ADCY2: variants seen among roughly 807,000 people sequenced by gnomAD.
ADCY2 encodes the protein adenylate cyclase type 2.
ADCY2 carries 31 observed loss-of-function variants against 125.2 expected under a neutral mutation model. The ratio of observed to expected loss-of-function variants is 0.25; its 90% CI spans 0.19 to 0.33. The LOEUF is 0.33. ADCY2 is among the 10% of genes least tolerant of loss of function. The pLI is 1.00. For missense variants in ADCY2, 904 were observed against 1,418.2 expected, an observed-to-expected ratio of 0.64 and a Z score of 5.82; for synonymous variants, 512 against 548.4, an observed-to-expected ratio of 0.93 and a Z score of 0.93.
chr5:7,414,505 A>G, intron 1 of ADCY2, 68 bp from the exon 2 acceptor site: 1 of 1,342,278 alleles, frequency 7.5e-7, no homozygotes, highest in Non-Finnish European at 1.0e-6. Context: ...ACATTTTAAC[A>G]ACATAAATCA....
Position 7,750,897 on chromosome 5 carries a change from C to T in ADCY2, c.1957-6552C>T, listed in dbSNP as rs78534607. ...CTCATAATCCGCTCTAGGTCTGCAA[C>T]GTCATTGTCCAATATCTCCTTGTGT... On this transcript the variant is annotated intron_variant, in intron 15 of 24. Transcript: ENST00000338316. Among the ~76,000 whole-genome samples, 274 of 152,046 alleles carry T rather than the reference C, an allele frequency of 1.8e-3. 4 individuals are homozygous for T. The East Asian group carries it at 0.019, about 10-fold the overall frequency.
At chr5:7,680,503 A>G (rs1452372540) in intron 4 of ADCY2, among the ~76,000 whole-genome samples, 2 of 152,248 alleles carry the variant, frequency 1.3e-5, no homozygotes, top group Non-Finnish European at 2.9e-5. Flanking sequence ...TTCTTTAAAC[A>G]TGTACACATA....
intron 3 of ADCY2, among the ~76,000 whole-genome samples, chr5:7,589,511 A>AAAGAAAAAGAAAGAAAG (rs757777978): frequency 9.1e-6 from 1 of 110,368 alleles, no homozygotes; most frequent in Non-Finnish European, 2.0e-5. Flanking sequence ...AGAAAGAAAG[A>AAAGAAAAAGAAAGAAAG]AAAGAAAAGA....
At chr5:7,780,156 T>C (rs1743871389) in intron 18 of ADCY2, among the ~76,000 whole-genome samples, 1 of 152,200 alleles carries the variant, frequency 6.6e-6, no homozygotes, top group Admixed American at 6.5e-5. Context: ...GATGAAGATT[T>C]TCTGACAAGG....
chr5:7,476,434 C>A (rs952221450), intron 2 of ADCY2, among the ~76,000 whole-genome samples: 20 of 152,218 alleles, frequency 1.3e-4, no homozygotes, highest in African/African-American at 4.8e-4. Flanking sequence ...TTGGCGATGC[C>A]AGAGTGGTCA....
intron 2 of ADCY2, among the ~76,000 whole-genome samples, chr5:7,516,128 C>T (rs1300667382): frequency 6.6e-6 from 1 of 152,100 alleles, no homozygotes; most frequent in Non-Finnish European, 1.5e-5. Flanking sequence ...CAAGGGCTCC[C>T]ATCCTGCCAG....
rs1741375960 is a variant in ADCY2 at position 7,709,598 on chromosome 5, G to T, written c.1578+211G>T. ...AAGGGTTCCACCCTAGCGTGATTTT[G>T]CATTATAGCTTCATAACCCAAGACA... On this transcript the variant is annotated intron_variant, in intron 10 of 24. Coordinates refer to ENST00000338316, the MANE Select transcript of ADCY2 (RefSeq NM_020546.3). This position sits in a 1 kb window ranked among gnomAD's most constrained non-coding sequence, Gnocchi z 4.4. Among the ~76,000 whole-genome samples, 1 of 152,166 alleles carries T rather than the reference G, an allele frequency of 6.6e-6. No individual in the cohort carries two copies. Among genetic ancestry groups the T allele is most frequent in the Non-Finnish European group, 1.5e-5 (1 of 68,044 alleles).
chr5:7,434,830 A>G (rs1456382203), intron 2 of ADCY2, among the ~76,000 whole-genome samples: 2 of 152,242 alleles, frequency 1.3e-5, no homozygotes, highest in African/African-American at 4.8e-5. Flanking sequence ...GGTCTCAGCC[A>G]AGACTCTTTC....
chr5:7,497,769 C>T (rs993181529), intron 2 of ADCY2, among the ~76,000 whole-genome samples: 1 of 152,098 alleles, frequency 6.6e-6, no homozygotes, highest in Non-Finnish European at 1.5e-5. Context: ...AAACAATGTT[C>T]TTAGTGAAAT....
At chr5:7,419,240 A>T (rs1193679956) in intron 2 of ADCY2, among the ~76,000 whole-genome samples, 1 of 152,130 alleles carries the variant, frequency 6.6e-6, no homozygotes, top group Non-Finnish European at 1.5e-5. Context: ...GACTACCCAG[A>T]GATTGGACAA....
intron 4 of ADCY2, among the ~76,000 whole-genome samples, chr5:7,638,402 C>G (rs1738578761): frequency 6.6e-6 from 1 of 152,174 alleles, no homozygotes; most frequent in South Asian, 2.1e-4. Flanking sequence ...ATGACCATCC[C>G]TTGGACAAGG....
intron 3 of ADCY2, among the ~76,000 whole-genome samples, chr5:7,557,929 G>C (rs1205414731): frequency 6.6e-6 from 1 of 152,190 alleles, no homozygotes; most frequent in African/African-American, 2.4e-5. Flanking sequence ...CTGTATTTAG[G>C]TCTTTGCAGA....
chr5:7,701,722 T>C (rs1741084122), intron 7 of ADCY2, among the ~76,000 whole-genome samples: 1 of 152,224 alleles, frequency 6.6e-6, no homozygotes, highest in African/African-American at 2.4e-5. Context: ...ATTCTGGATA[T>C]TTCACGTAAA....
At chr5:7,548,719 T>C (rs16878782) in intron 3 of ADCY2, among the ~76,000 whole-genome samples, 3,013 of 152,264 alleles carry the variant, frequency 0.02, 97 homozygotes, top group African/African-American at 0.069. Context: ...ATTCCTGAAA[T>C]ATGTTGAAAG....
rs1424224418 is a variant in ADCY2, at chr5:7,772,924, T to C, written c.2215-8T>C. 6.2e-7 allele frequency: 1 copy of C among 1,613,674 alleles called. No homozygotes were observed. The highest frequency in any genetic ancestry group is 1.7e-5 in the Admixed American group (1 of 60,006). On this transcript the variant is annotated splice_polypyrimidine_tract_variant and splice_region_variant and intron_variant, in intron 17 of 24. Coordinates refer to ENST00000338316, the MANE Select transcript of ADCY2 (RefSeq NM_020546.3). ...TAAGTATCTGTCTGGTGTCCTTCCC[T>C]GTTTCAGTACTTTATCTACAGCTGC...
chr5:7,435,076 T>C (rs1740745349), intron 2 of ADCY2, among the ~76,000 whole-genome samples: 1 of 152,332 alleles, frequency 6.6e-6, no homozygotes, highest in African/African-American at 2.4e-5. Flanking sequence ...GAGGGGATTA[T>C]GTGTTCTCCT....
chr5:7,443,854 T>C (rs76282011), intron 2 of ADCY2, among the ~76,000 whole-genome samples: 1,968 of 152,010 alleles, frequency 0.013, 25 homozygotes, highest in Middle Eastern at 0.041. Flanking sequence ...CCTTGGAATA[T>C]TTTCTTGCTG....
Position 7,716,430 on chromosome 5 carries a change from A to T in ADCY2, c.1623-727A>T, listed in dbSNP as rs1579349876. 2.0e-5 allele frequency among the ~76,000 whole-genome samples: 3 copies of T among 152,348 alleles called. No homozygotes were observed. In the East Asian group the frequency reaches 5.8e-4, roughly 29 times the overall value. On this transcript the variant is annotated intron_variant, in intron 11 of 24. Transcript: ENST00000338316. The stretch of plus-strand genomic sequence containing the variant: ...ATAAAGTTTATGAAGGCAACAAGTC[A>T]AAAGCTAATACATCTCCTAGGAGAG...
intron 22 of ADCY2, among the ~76,000 whole-genome samples, chr5:7,813,836 T>C (rs547286616): frequency 6.6e-6 from 1 of 152,320 alleles, no homozygotes; most frequent in South Asian, 2.1e-4. Flanking sequence ...TGCTGCACCT[T>C]GGTTTGGTAA....
Sources: allele counts gnomAD v4.1 joint callset (sites outside exome capture counted in the v4.1 genomes callset), GRCh38; gene constraint gnomAD v4.1.1; non-coding constraint Gnocchi (gnomAD v3.1); transcripts MANE v1.5; gene names NCBI Gene and HGNC (gene_info 2026-07-23, HGNC 2026-07-21).